Variants in CDYL observed in about 807,000 individuals in gnomAD.
The protein encoded by CDYL is chromodomain Y-like protein.
Under a neutral mutation model 47.3 loss-of-function variants are expected in CDYL, and 8 were observed. The ratio of observed to expected loss-of-function variants is 0.17; its 90% CI spans 0.10 to 0.31. CDYL has a LOEUF of 0.31. Ranked by LOEUF, CDYL falls within the 10% of genes least tolerant of loss-of-function variation. The probability of loss-of-function intolerance (pLI) is 1.00; values close to 1 mark genes in which losing one functional copy is unlikely to be tolerated. For missense variants in CDYL, 471 were observed against 701.4 expected, an observed-to-expected ratio of 0.67 and a Z score of 3.71; for synonymous variants, 266 against 265.0, an observed-to-expected ratio of 1.00 and a Z score of -0.04.
At chr6:4,738,012 T>G (rs1757733545) in intron 3 of CDYL, among the ~76,000 whole-genome samples, 1 of 152,182 alleles carries the variant, frequency 6.6e-6, no homozygotes, top group South Asian at 2.1e-4. Flanking sequence ...CTAAAATTAT[T>G]TTAAATAAAC....
chr6:4,721,223 A>C (rs921252988), intron 2 of CDYL, among the ~76,000 whole-genome samples: 4 of 152,172 alleles, frequency 2.6e-5, no homozygotes, highest in African/African-American at 4.8e-5. Flanking sequence ...ACATTCAAAC[A>C]ACCTTATTTT....
intron 1 of CDYL, among the ~76,000 whole-genome samples, chr6:4,787,292 C>G (rs1758780446): frequency 6.6e-6 from 1 of 152,140 alleles, no homozygotes; most frequent in South Asian, 2.1e-4. Flanking sequence ...TGTGCCCTTC[C>G]TTCAGAGTGC....
chr6:4,876,221 A>T (rs866452756), intron 1 of CDYL, among the ~76,000 whole-genome samples: 11 of 152,202 alleles, frequency 7.2e-5, no homozygotes, highest in Non-Finnish European at 1.3e-4. Context: ...TTGATAATTT[A>T]TACCACAGTT....
intron 1 of CDYL, among the ~76,000 whole-genome samples, chr6:4,838,665 T>C (rs139751447): frequency 4.7e-4 from 71 of 152,252 alleles, no homozygotes; most frequent in African/African-American, 1.5e-3. Context: ...AGTAGTGGGA[T>C]TGCTGGATCA....
At chr6:4,935,046 G>T (rs901734843) in intron 2 of CDYL, among the ~76,000 whole-genome samples, 4 of 152,222 alleles carry the variant, frequency 2.6e-5, no homozygotes, top group Admixed American at 6.5e-5. Context: ...TCTATGACCC[G>T]CAGAGAAGGC....
chr6:4,794,018 T>C (rs1212827482), intron 1 of CDYL, among the ~76,000 whole-genome samples: 1 of 152,070 alleles, frequency 6.6e-6, no homozygotes, highest in Non-Finnish European at 1.5e-5. Flanking sequence ...TGGGCAGCTG[T>C]GAACTACACA....
intron 1 of CDYL, among the ~76,000 whole-genome samples, chr6:4,788,711 A>G (rs1349881352): frequency 6.6e-6 from 1 of 150,948 alleles, no homozygotes; most frequent in Non-Finnish European, 1.5e-5. Context: ...TGGAAATTCC[A>G]ATCCTTTCTG....
chr6:4,800,537 C>A (rs1759194422), intron 1 of CDYL, among the ~76,000 whole-genome samples: 2 of 152,236 alleles, frequency 1.3e-5, no homozygotes, highest in East Asian at 1.9e-4. Flanking sequence ...GTCTTCATTT[C>A]TTCCTGTAGC....
intron 1 of CDYL, among the ~76,000 whole-genome samples, chr6:4,829,713 C>T (rs1760081312): frequency 1.3e-5 from 2 of 152,132 alleles, no homozygotes; most frequent in African/African-American, 2.4e-5. Context: ...ACAATCTCCC[C>T]CATTTTTCTG....
chr6:4,911,122 A>G (rs941479884), intron 2 of CDYL, among the ~76,000 whole-genome samples: 4 of 152,208 alleles, frequency 2.6e-5, no homozygotes, highest in East Asian at 1.9e-4. Flanking sequence ...CACTGCGCCC[A>G]GCCGAAAAAG....
rs913857726 is a variant in CDYL, at chr6:4,739,571, T to A, written c.186+4727T>A. On this transcript the variant is annotated intron_variant, in intron 3 of 8. Transcript: ENST00000328908. Reference sequence around the variant, plus strand: ...AAAAAAAATGCCACGGATAGTTTTATACAGTATAATACCACTTATTTAAAT... The same window carrying A: ...AAAAAAAATGCCACGGATAGTTTTAAACAGTATAATACCACTTATTTAAAT... Among the ~76,000 whole-genome samples, 8 of 151,008 alleles carry A rather than the reference T, an allele frequency of 5.3e-5. No homozygotes were observed. In the East Asian group the frequency reaches 1.6e-3, roughly 30 times the overall value.
chr6:4,818,132 G>C (rs1386929704), intron 1 of CDYL, among the ~76,000 whole-genome samples: 5 of 151,960 alleles, frequency 3.3e-5, no homozygotes, highest in Admixed American at 6.6e-5. Context: ...GGCACATACA[G>C]GTAGTCCTAG....
intron 1 of CDYL, among the ~76,000 whole-genome samples, chr6:4,819,067 A>G (rs1225955258): frequency 1.3e-5 from 2 of 150,194 alleles, no homozygotes; most frequent in East Asian, 3.9e-4. Flanking sequence ...AACTGTTTTT[A>G]TACCTTGATA....
chr6:4,766,842 A>C (rs1456652661), intron 3 of CDYL, among the ~76,000 whole-genome samples: 1 of 150,862 alleles, frequency 6.6e-6, no homozygotes, highest in Non-Finnish European at 1.5e-5. Flanking sequence ...TGTTCTCCAC[A>C]AAAAAAAAGT....
chr6:4,826,281 A>G lies in CDYL; in HGVS notation c.24+49474A>G, dbSNP rs755277003. ...TCTCTGTCCAGCTAATGGTTTCTCAATTTTTATTGAGTTCTTCAAATAACC... is the reference window on the plus strand; with the variant it reads ...TCTCTGTCCAGCTAATGGTTTCTCAGTTTTTATTGAGTTCTTCAAATAACC... On this transcript the variant is annotated intron_variant, in intron 1 of 6. Coordinates refer to ENST00000397588, the MANE Select transcript of CDYL (RefSeq NM_004824.4). 1.4e-4 allele frequency among the ~76,000 whole-genome samples: 21 copies of G among 151,716 alleles called. 1 individual carries two copies. Among genetic ancestry groups the G allele is most frequent in the Admixed American group, 2.6e-4 (4 of 15,234 alleles).
At position 4,788,620 on chromosome 6, in the gene CDYL, C is replaced by G. The variant is rs569508632; in HGVS notation, c.24+11813C>G. 1.1e-4 allele frequency among the ~76,000 whole-genome samples: 17 copies of G among 151,884 alleles called. No individual in the cohort carries two copies. In the South Asian group the frequency reaches 3.1e-3, roughly 28 times the overall value. ...GCCCTGAAGGTGGGTCAGGAACTCT[C>G]AAAGATTGAAACACCACCCCTCCCC... On this transcript the variant is annotated intron_variant, in intron 1 of 6. Coordinates refer to ENST00000397588, the MANE Select transcript of CDYL (RefSeq NM_004824.4).
intron 5 of CDYL, among the ~76,000 whole-genome samples, chr6:4,945,744 G>A (rs767186578): frequency 7.2e-4 from 110 of 152,228 alleles, no homozygotes; most frequent in Admixed American, 1.5e-3. Context: ...CTCTCAGGCC[G>A]TGCCGACGCC....
chr6:4,902,110 C>T (rs1757075228), intron 2 of CDYL, among the ~76,000 whole-genome samples: 1 of 151,974 alleles, frequency 6.6e-6, no homozygotes, highest in African/African-American at 2.4e-5. Flanking sequence ...ATAGAAATGG[C>T]AATAGAGGCC....
chr6:4,927,428 CGTGTGTGTGT>C (rs35317751), intron 2 of CDYL, among the ~76,000 whole-genome samples: 2 of 142,456 alleles, frequency 1.4e-5, no homozygotes, highest in Admixed American at 6.9e-5. Context: ...ATTTACTGTA[CGTGTGTGTGT>C]GTGTGTGTGT....
Sources: gnomAD v4.1 joint callset for allele counts (sites outside exome capture counted in the v4.1 genomes callset) on GRCh38, gnomAD v4.1.1 for gene constraint, MANE v1.5 for transcripts, NCBI Gene and HGNC (gene_info 2026-07-23, HGNC 2026-07-21) for gene names.